Variants in DOCK3 observed in about 807,000 individuals in gnomAD.
The protein encoded by DOCK3 is dedicator of cytokinesis protein 3.
A neutral mutation model predicts 265.6 loss-of-function variants in DOCK3; 60 were observed. The observed-to-expected ratio is 0.23, with a 90% CI of 0.18 to 0.28. The LOEUF (loss-of-function observed/expected upper bound fraction) is 0.28. DOCK3 is among the 10% of genes least tolerant of loss of function. The pLI is 1.00. For synonymous variants in DOCK3, 881 were observed against 938.0 expected, an observed-to-expected ratio of 0.94 and a Z score of 1.11; for missense variants, 1,981 against 2,594.3, an observed-to-expected ratio of 0.76 and a Z score of 5.14.
At chr3:50,909,457 C>T (rs1464138593) in intron 4 of DOCK3, among the ~76,000 whole-genome samples, 1 of 152,012 alleles carries the variant, frequency 6.6e-6, no homozygotes, top group Non-Finnish European at 1.5e-5. Context: ...GATCTTATCT[C>T]TTCTTCGCTT....
At chr3:51,257,588 C>T (rs775084425) in intron 22 of DOCK3, among the ~76,000 whole-genome samples, 1 of 152,184 alleles carries the variant, frequency 6.6e-6, no homozygotes, top group Non-Finnish European at 1.5e-5. Flanking sequence ...GCACACTTCA[C>T]TGCTGAGCTG....
In DOCK3 at chr3:50,886,835, A is replaced by G. The variant is rs543443562; in HGVS notation, c.163-3191A>G. ...ACCAGAGAGAACAAAGACACAACATACCAGAATCTCTGGGATACATTAAAA... is the reference window on the plus strand; with the variant it reads ...ACCAGAGAGAACAAAGACACAACATGCCAGAATCTCTGGGATACATTAAAA... On this transcript the variant is annotated intron_variant, in intron 3 of 52. Coordinates refer to ENST00000266037, the MANE Select transcript of DOCK3 (RefSeq NM_004947.5). Among the ~76,000 whole-genome samples, 3 of 152,272 alleles carry G rather than the reference A, an allele frequency of 2.0e-5. No individual in the cohort carries two copies. In the South Asian group the frequency reaches 6.2e-4, roughly 32 times the overall value.
chr3:51,191,236 A>G (rs1485546646), intron 12 of DOCK3, among the ~76,000 whole-genome samples: 3 of 152,042 alleles, frequency 2.0e-5, no homozygotes, highest in Non-Finnish European at 2.9e-5. Flanking sequence ...GCTACAGCAC[A>G]CTTCCCGCCT....
intron 1 of DOCK3, among the ~76,000 whole-genome samples, chr3:50,723,021 G>C (rs1019684820): frequency 5.3e-5 from 8 of 152,112 alleles, no homozygotes; most frequent in Non-Finnish European, 1.5e-5. Context: ...TGATCTGCCT[G>C]TCCTGGCCCC....
chr3:51,231,121 C>CTTTTTTTTTTT (rs754271357), intron 19 of DOCK3, among the ~76,000 whole-genome samples: 2 of 77,738 alleles, frequency 2.6e-5, no homozygotes, highest in African/African-American at 5.1e-5. Context: ...TATTTTTTGA[C>CTTTTTTTTTTT]TTTTTTTTTT....
Position 51,260,273 on chromosome 3 carries a change from C to T in DOCK3, c.2302C>T (p.Arg768Trp), listed in dbSNP as rs1475932818. 4 of 1,613,862 alleles carry T rather than the reference C, an allele frequency of 2.5e-6. No individual in the cohort carries two copies. In the Admixed American group the frequency reaches 5.0e-5, roughly 20 times the overall value. The change falls in exon 23 of 53, where the codon CGG becomes TGG. Residue 768 changes from arginine to tryptophan, a missense_variant. Physicochemically the swap from Arg to Trp is moderately radical, Grantham distance 101. Transcript: ENST00000266037. Reference sequence around the variant, plus strand: ...TATCCAAGAACTTTTCCAGTCCATCCGGTTTGTGCTCAGTCTGGACAGCCG... The same window carrying T: ...TATCCAAGAACTTTTCCAGTCCATCTGGTTTGTGCTCAGTCTGGACAGCCG... ...SSIQELFQSI[R>W]FVLSLDSRNS...
rs138450655 is a variant in DOCK3 at position 50,990,766 on chromosome 3, G to A, written c.315+56689G>A. Among the ~76,000 whole-genome samples the A allele has an allele frequency of 1.5e-3, 223 of 152,288 alleles. 1 individual carries two copies. The highest frequency in any genetic ancestry group is 0.01 in the Admixed American group (160 of 15,294). Reference sequence around the variant, plus strand: ...GCATCCAGCATGGGAGAATGATGGAGGCTGGGAGGGTAAGCCAGTCTAATG... The same window carrying A: ...GCATCCAGCATGGGAGAATGATGGAAGCTGGGAGGGTAAGCCAGTCTAATG... On this transcript the variant is annotated intron_variant, in intron 5 of 52. Coordinates refer to ENST00000266037, the MANE Select transcript of DOCK3 (RefSeq NM_004947.5).
intron 6 of DOCK3, among the ~76,000 whole-genome samples, chr3:51,073,057 T>C (rs1261410565): frequency 2.0e-5 from 3 of 152,142 alleles, no homozygotes; most frequent in Non-Finnish European, 4.4e-5. Context: ...TTTTTGTTGT[T>C]GTTGTTTCCT....
At chr3:50,937,500 A>G (rs955932474) in intron 5 of DOCK3, among the ~76,000 whole-genome samples, 3 of 151,952 alleles carry the variant, frequency 2.0e-5, no homozygotes, top group African/African-American at 7.3e-5. Context: ...TAAAAATACA[A>G]AAAAATTAGC....
chr3:51,000,003 G>A (rs1367379994), intron 5 of DOCK3, among the ~76,000 whole-genome samples: 2 of 152,144 alleles, frequency 1.3e-5, no homozygotes, highest in Non-Finnish European at 2.9e-5. Flanking sequence ...CACCTAGTTA[G>A]GCTCACAGTG....
chr3:51,265,232 C>T (rs148229589), intron 23 of DOCK3, among the ~76,000 whole-genome samples: 2 of 152,198 alleles, frequency 1.3e-5, no homozygotes, highest in East Asian at 3.9e-4. Flanking sequence ...CAAAAAAATC[C>T]CAGGACCAGA....
intron 5 of DOCK3, among the ~76,000 whole-genome samples, chr3:50,949,079 A>G (rs966088028): frequency 5.3e-5 from 8 of 152,334 alleles, no homozygotes; most frequent in African/African-American, 1.9e-4. Context: ...TACACCATGT[A>G]CTAGAACCAA....
At chr3:50,716,680 T>C (rs1293188198) in intron 1 of DOCK3, among the ~76,000 whole-genome samples, 1 of 151,946 alleles carries the variant, frequency 6.6e-6, no homozygotes, top group Non-Finnish European at 1.5e-5. Context: ...TGAATTACTT[T>C]TAAGATTTTT....
chr3:50,921,367 C>T (rs371076934), intron 4 of DOCK3, among the ~76,000 whole-genome samples: 32 of 152,262 alleles, frequency 2.1e-4, no homozygotes, highest in African/African-American at 6.0e-4. Flanking sequence ...GCATGTGTCA[C>T]GTAGTTCTTG....
At chr3:51,229,994 T>C (rs2090479618) in intron 19 of DOCK3, among the ~76,000 whole-genome samples, 1 of 152,248 alleles carries the variant, frequency 6.6e-6, no homozygotes, top group Non-Finnish European at 1.5e-5. Flanking sequence ...TTTCTGTGCC[T>C]GACTTATTTC....
intron 1 of DOCK3, among the ~76,000 whole-genome samples, chr3:50,709,267 TTTA>T (rs1249263782): frequency 6.6e-4 from 100 of 152,354 alleles, no homozygotes; most frequent in African/African-American, 2.1e-3. Flanking sequence ...ACTGAACTCG[TTTA>T]TTAATTCTAA....
chr3:51,059,070 G>T (rs1023777311), intron 5 of DOCK3, among the ~76,000 whole-genome samples: 1 of 151,982 alleles, frequency 6.6e-6, no homozygotes, highest in African/African-American at 2.4e-5. Context: ...TTCAACCCTT[G>T]TACTTCACCC....
At chr3:51,355,811 T>G (rs1327529297) in intron 41 of DOCK3, among the ~76,000 whole-genome samples, 1 of 152,180 alleles carries the variant, frequency 6.6e-6, no homozygotes, top group Non-Finnish European at 1.5e-5. Context: ...CTTTGTTTCT[T>G]AAAGGGGCAC....
At position 50,853,852 on chromosome 3, in the gene DOCK3, T is replaced by A. The variant is rs1213799777; in HGVS notation, c.162+12137T>A. Reference sequence around the variant, plus strand: ...CCAGTCGTGGGATTGCTGGGTTGAATGGTAGTTCTATTTTTTTTGTTTTTG... The same window carrying A: ...CCAGTCGTGGGATTGCTGGGTTGAAAGGTAGTTCTATTTTTTTTGTTTTTG... On this transcript the variant is annotated intron_variant, in intron 3 of 52. Transcript: ENST00000266037. Among the ~76,000 whole-genome samples, 7 of 126,202 alleles carry A rather than the reference T, an allele frequency of 5.5e-5. No homozygotes were observed. The Admixed American group carries it at 5.7e-4, about 10-fold the overall frequency. The allele number at this position is 126,202 out of a possible 152,430, so 82.8% of individuals were successfully genotyped here.
Sources: allele counts gnomAD v4.1 joint callset (sites outside exome capture counted in the v4.1 genomes callset), GRCh38; gene constraint gnomAD v4.1.1; transcripts MANE v1.5; gene names NCBI Gene and HGNC (gene_info 2026-07-23, HGNC 2026-07-21).